The following MYZAP variants were observed in gnomAD, a reference collection of about 807,000 sequenced individuals.
The protein encoded by MYZAP is GRINL1A complex locus upstream.
In MYZAP, 66 loss-of-function variants were observed where a neutral mutation model predicts 69.4. That is an observed-to-expected ratio of 0.95 (90% CI 0.78 to 1.17). MYZAP has a LOEUF of 1.17. Ranked by LOEUF, MYZAP falls within the 50% of genes most tolerant of loss-of-function variation. MYZAP has a pLI of 0.00. For synonymous variants in MYZAP, 256 were observed against 205.9 expected (o/e 1.24, Z -2.09); for missense variants, 611 against 556.2 (o/e 1.10, Z -0.99).
At chr15:57,630,382 C>T (rs756930521) in intron 6 of MYZAP, among the ~76,000 whole-genome samples, 5 of 152,238 alleles carry the variant, frequency 3.3e-5, no homozygotes, top group Non-Finnish European at 5.9e-5. Context: ...ACTGAGAAGA[C>T]GCTTGGGATG....
intron 4 of MYZAP, among the ~76,000 whole-genome samples, chr15:57,622,967 T>G (rs1378954402): frequency 1.3e-5 from 2 of 152,156 alleles, no homozygotes; most frequent in Non-Finnish European, 2.9e-5. Flanking sequence ...TTCTGAATAT[T>G]GAAAGATCCC....
intron 4 of MYZAP, among the ~76,000 whole-genome samples, chr15:57,624,621 C>T (rs912161737): frequency 2.1e-4 from 32 of 152,238 alleles, no homozygotes; most frequent in African/African-American, 7.2e-4. Context: ...GATGCATAAA[C>T]AAGACTCTGC....
intron 10 of MYZAP, among the ~76,000 whole-genome samples, chr15:57,642,222 T>C (rs1321990500): frequency 1.3e-5 from 2 of 152,242 alleles, no homozygotes; most frequent in African/African-American, 2.4e-5. Context: ...GGAGGAAGTC[T>C]GGTAACTTCA....
At chr15:57,634,662 G>A (rs1330418150) in intron 8 of MYZAP, among the ~76,000 whole-genome samples, 3 of 152,182 alleles carry the variant, frequency 2.0e-5, no homozygotes, top group Non-Finnish European at 2.9e-5. Flanking sequence ...GCGAGGTGTC[G>A]CCACTATGGG....
chr15:57,612,397 C>T (rs1431857578), intron 2 of MYZAP, among the ~76,000 whole-genome samples: 1 of 152,140 alleles, frequency 6.6e-6, no homozygotes, highest in East Asian at 1.9e-4. Flanking sequence ...TCTTATTTCC[C>T]CTAAGAATGC....
At chr15:57,657,401 T>C (rs1395175665) in intron 10 of MYZAP, among the ~76,000 whole-genome samples, 2 of 152,208 alleles carry the variant, frequency 1.3e-5, no homozygotes, top group Admixed American at 1.3e-4. Flanking sequence ...GAAGGAAGTT[T>C]ACACAAAACA....
intron 5 of MYZAP, among the ~76,000 whole-genome samples, chr15:57,628,157 C>T (rs1239443079): frequency 3.9e-5 from 6 of 152,224 alleles, no homozygotes; most frequent in African/African-American, 1.2e-4. Context: ...ACTGGGGACA[C>T]AGTAGAAGAT....
chr15:57,616,361 T>C (rs2201345), intron 2 of MYZAP, among the ~76,000 whole-genome samples: 120,933 of 152,152 alleles, frequency 0.79, 48,482 homozygotes, highest in East Asian at 0.93. Flanking sequence ...AAAAATTGGC[T>C]GGGCGCAGTG....
chr15:57,624,410 G>C (rs948428164), intron 4 of MYZAP, among the ~76,000 whole-genome samples: 4 of 152,124 alleles, frequency 2.6e-5, no homozygotes, highest in Admixed American at 2.0e-4. Context: ...TTGATTATAG[G>C]AGTGGGGCTA....
At chr15:57,608,214 T>C (rs933019994) in intron 2 of MYZAP, among the ~76,000 whole-genome samples, 17 of 152,222 alleles carry the variant, frequency 1.1e-4, no homozygotes, top group Non-Finnish European at 2.4e-4. Context: ...CACACTGTTC[T>C]GGGAGGTGTT....
At chr15:57,613,415 G>C (rs2934430) in intron 2 of MYZAP, among the ~76,000 whole-genome samples, 10,657 of 151,942 alleles carry the variant, frequency 0.07, 1,010 homozygotes, top group African/African-American at 0.22. Flanking sequence ...CTGTCGCCCA[G>C]GCTGGAGTAT....
intron 3 of MYZAP, among the ~76,000 whole-genome samples, chr15:57,620,269 C>T (rs1434869573): frequency 6.6e-6 from 1 of 152,214 alleles, no homozygotes; most frequent in Non-Finnish European, 1.5e-5. Flanking sequence ...TATCCAGTAA[C>T]CCCTAATAAA....
At chr15:57,628,944 G>A (rs557914102) in intron 5 of MYZAP, among the ~76,000 whole-genome samples, 23 of 152,086 alleles carry the variant, frequency 1.5e-4, no homozygotes, top group African/African-American at 5.3e-4. Flanking sequence ...TTAGCCAGGC[G>A]TGGTGGCAGG....
At chr15:57,596,203 G>A (rs1053454126) in intron 1 of MYZAP, among the ~76,000 whole-genome samples, 3 of 152,076 alleles carry the variant, frequency 2.0e-5, no homozygotes, top group Non-Finnish European at 4.4e-5. Flanking sequence ...TTGTCTCTGG[G>A]GGCACTGATG....
chr15:57,621,094 T>A (rs529900975), intron 3 of MYZAP, among the ~76,000 whole-genome samples: 3 of 148,298 alleles, frequency 2.0e-5, no homozygotes, highest in East Asian at 3.9e-4. Context: ...ATATATAAAT[T>A]ATTTGGATAA....
chr15:57,684,674 G>T lies in MYZAP; in HGVS notation c.*176G>T. ...AAGGAAAGTGAAGGCAGAGTGAGCA[G>T]GTAAGAGAGGGATATACAAGGTCAC... On this transcript the variant is annotated 3_prime_UTR_variant, in exon 13 of 13. Transcript: ENST00000267853. 1.8e-6 allele frequency: 1 copy of T among 552,504 alleles called. No homozygotes were observed. The highest frequency in any genetic ancestry group is 3.2e-6 in the Non-Finnish European group (1 of 313,978). 34.2% of individuals were successfully genotyped at this position (552,504 alleles called of 1,614,324 possible).
chr15:57,604,746 G>A (rs1223458510), intron 2 of MYZAP, among the ~76,000 whole-genome samples: 2 of 152,244 alleles, frequency 1.3e-5, no homozygotes, highest in African/African-American at 4.8e-5. Flanking sequence ...TGGAGCAGCA[G>A]CCGGGGGCTC....
At chr15:57,649,802 T>C (rs2037636892) in intron 10 of MYZAP, among the ~76,000 whole-genome samples, 1 of 152,236 alleles carries the variant, frequency 6.6e-6, no homozygotes, top group Non-Finnish European at 1.5e-5. Context: ...AGGTCTTCAA[T>C]TACAACCTGC....
At chr15:57,679,151 G>A (rs971524412) in intron 12 of MYZAP, among the ~76,000 whole-genome samples, 3 of 152,044 alleles carry the variant, frequency 2.0e-5, no homozygotes, top group Non-Finnish European at 4.4e-5. Context: ...ACTCCATCCT[G>A]GGCAACAAGA....
Sources: allele counts gnomAD v4.1 joint callset (sites outside exome capture counted in the v4.1 genomes callset), GRCh38; gene constraint gnomAD v4.1.1; transcripts MANE v1.5; gene names NCBI Gene and HGNC (gene_info 2026-07-23, HGNC 2026-07-21).